IKZF1: variants seen among roughly 807,000 people sequenced by gnomAD.
IKZF1 encodes the protein IKAROS family zinc finger 1, also known as DNA-binding protein Ikaros.
In IKZF1, 10 loss-of-function variants were observed where a neutral mutation model predicts 51.7. The observed-to-expected ratio is 0.19, with a 90% CI of 0.12 to 0.33. IKZF1 has a LOEUF of 0.33. Among genes scored for constraint, IKZF1 ranks in the 10% least tolerant of loss-of-function variants. The pLI, the probability that IKZF1 is intolerant of heterozygous loss-of-function variation, is 1.00. For synonymous variants in IKZF1, 280 were observed against 282.3 expected (o/e 0.99, Z 0.08); for missense variants, 484 against 707.5 (o/e 0.68, Z 3.58).
chr7:50,375,058 G>A (rs1038407827), intron 3 of IKZF1, among the ~76,000 whole-genome samples: 1 of 151,742 alleles, frequency 6.6e-6, no homozygotes, highest in African/African-American at 2.4e-5. Context: ...CTTCTAGTAA[G>A]TTCTCAGGTG....
At chr7:50,341,210 C>T (rs1798991869) in intron 3 of IKZF1, among the ~76,000 whole-genome samples, 1 of 138,566 alleles carries the variant, frequency 7.2e-6, no homozygotes, top group Non-Finnish European at 1.5e-5. Flanking sequence ...GTGGTGTGAT[C>T]TTGGCTCACT....
intron 3 of IKZF1, among the ~76,000 whole-genome samples, chr7:50,375,021 A>G (rs1809811856): frequency 6.6e-6 from 1 of 151,876 alleles, no homozygotes; most frequent in African/African-American, 2.4e-5. Flanking sequence ...TGAGCCTGCA[A>G]CTCTGGGTTG....
chr7:50,402,096 G>C lies in IKZF1; in HGVS notation c.*1469G>C, dbSNP rs893962360. On this transcript the variant is annotated 3_prime_UTR_variant, in exon 8 of 8. Transcript: ENST00000331340. Reference sequence around the variant, plus strand: ...CATGGAGGCACTGAAGCCCGAGGAAGGTGTGTGGAGATTCTAATCCCAACA... The same window carrying C: ...CATGGAGGCACTGAAGCCCGAGGAACGTGTGTGGAGATTCTAATCCCAACA... 6.5e-5 allele frequency: 15 copies of C among 230,658 alleles called. No individual in the cohort carries two copies. Among genetic ancestry groups the C allele is most frequent in the Non-Finnish European group, 7.7e-5 (9 of 116,360 alleles). 14.3% of individuals were successfully genotyped at this position (230,658 alleles called of 1,614,324 possible).
rs1817857280 is a variant in IKZF1 at position 50,400,392 on chromosome 7, C to T, written c.1325C>T (p.Ser442Phe). The T allele has an allele frequency of 6.2e-7, 1 of 1,613,388 alleles. No individual in the cohort carries two copies. The highest frequency in any genetic ancestry group is 8.5e-7 in the Non-Finnish European group (1 of 1,179,816). ...HRAYDLLRAA[S>F]ENSQDALRVV... ...GCCTACGACCTGCTGCGCGCCGCCT[C>T]CGAGAACTCGCAGGACGCGCTCCGC... Residue 442 changes from serine (S) to phenylalanine (F), a missense_variant, in exon 8 of 8, where the codon TCC (serine) becomes TTC (phenylalanine). Transcript: ENST00000331340. The surrounding 1 kb of genome is among the most constrained non-coding windows in gnomAD (Gnocchi z 5.4).
chr7:50,338,401 T>C (rs1187817218), intron 3 of IKZF1, among the ~76,000 whole-genome samples: 5 of 152,208 alleles, frequency 3.3e-5, no homozygotes, highest in African/African-American at 1.2e-4. Flanking sequence ...CAGTTTTATT[T>C]TCTGCCTTGT....
chr7:50,369,692 C>A, intron 3 of IKZF1: 1 of 397,026 alleles, frequency 2.5e-6, no homozygotes, highest in East Asian at 3.6e-5. Context: ...TAAAAACAAC[C>A]CCTTTCACCC....
At chr7:50,368,420 C>T (rs1317884376) in intron 3 of IKZF1, 1 of 635,486 alleles carries the variant, frequency 1.6e-6, no homozygotes, top group Admixed American at 2.5e-5. Flanking sequence ...CTGTCACCAA[C>T]AAAGAACTGA....
At chr7:50,331,631 A>G (rs1443981454) in intron 3 of IKZF1, among the ~76,000 whole-genome samples, 8 of 152,210 alleles carry the variant, frequency 5.3e-5, no homozygotes, top group African/African-American at 1.7e-4. Context: ...AATGGTGGAA[A>G]TCAGTTCCCT....
At chr7:50,355,045 GA>G (rs1436522352) in intron 3 of IKZF1, among the ~76,000 whole-genome samples, 6 of 152,058 alleles carry the variant, frequency 3.9e-5, no homozygotes, top group Admixed American at 6.6e-5. Flanking sequence ...TGAGGAGGGG[GA>G]CAGGCCTGGG....
intron 1 of IKZF1, among the ~76,000 whole-genome samples, chr7:50,310,132 G>A (rs1789808248): frequency 6.6e-6 from 1 of 152,066 alleles, no homozygotes; most frequent in Admixed American, 6.6e-5. Flanking sequence ...TTAAACATAA[G>A]GCAATTAATT....
intron 3 of IKZF1, among the ~76,000 whole-genome samples, chr7:50,353,096 A>C (rs1802284546): frequency 6.8e-6 from 1 of 147,984 alleles, no homozygotes; most frequent in Non-Finnish European, 1.5e-5. Context: ...AAAGACATGA[A>C]AGAAAGAGCT....
At position 50,323,858 on chromosome 7, in the gene IKZF1, T is replaced by G. The variant is rs147658185; in HGVS notation, c.41-3780T>G. The stretch of plus-strand genomic sequence containing the variant: ...AGAATCCATGCACATTATTTTTATT[T>G]TATCTTCACCGCAACCCTGTGGGAT... On this transcript the variant is annotated intron_variant, in intron 2 of 7. Transcript: ENST00000331340. Among the ~76,000 whole-genome samples the G allele has an allele frequency of 2.7e-3, 413 of 152,352 alleles. 3 individuals are homozygous for G. The highest frequency in any genetic ancestry group is 9.3e-3 in the African/African-American group (388 of 41,588).
At chr7:50,399,350 A>G (rs926062181) in intron 7 of IKZF1, among the ~76,000 whole-genome samples, 1 of 152,086 alleles carries the variant, frequency 6.6e-6, no homozygotes, top group African/African-American at 2.4e-5. Flanking sequence ...AAAATATACA[A>G]TCATCATGTA....
chr7:50,393,361 G>A (rs913242696), intron 7 of IKZF1, among the ~76,000 whole-genome samples: 3 of 152,172 alleles, frequency 2.0e-5, no homozygotes, highest in Non-Finnish European at 4.4e-5. Flanking sequence ...TGGTGGGAGA[G>A]AGGTGGGGCC....
chr7:50,387,771 T>C (rs1813839162), intron 6 of IKZF1, among the ~76,000 whole-genome samples: 1 of 152,182 alleles, frequency 6.6e-6, no homozygotes, highest in African/African-American at 2.4e-5. Context: ...TTTTGGATGT[T>C]GGTGATTTTA....
At position 50,317,386 on chromosome 7, in the gene IKZF1, C is replaced by T. The variant is rs1158408325; in HGVS notation, c.-14-1662C>T. Among the ~76,000 whole-genome samples the T allele has an allele frequency of 2.6e-5, 4 of 152,196 alleles. No individual in the cohort carries two copies. The East Asian group carries it at 7.7e-4, about 29-fold the overall frequency. On this transcript the variant is annotated intron_variant, in intron 1 of 7. Transcript: ENST00000331340. ...AAAGATTTTTCTCATTTGAGTCTAT[C>T]TTGCTTCTTTATCATTGTTTTGACA...
chr7:50,306,655 T>C (rs1788878050), intron 1 of IKZF1, among the ~76,000 whole-genome samples: 1 of 152,258 alleles, frequency 6.6e-6, no homozygotes, highest in South Asian at 2.1e-4. Context: ...TGGCCGTTTG[T>C]AGCCATTTCC....
intron 1 of IKZF1, among the ~76,000 whole-genome samples, chr7:50,313,055 C>T (rs1433247846): frequency 6.6e-6 from 1 of 152,168 alleles, no homozygotes; most frequent in Non-Finnish European, 1.5e-5. Context: ...CAAATTGTTA[C>T]GAAAACCTAT....
intron 5 of IKZF1, 53 bp downstream of exon 5, chr7:50,382,760 A>G: frequency 6.5e-7 from 1 of 1,545,144 alleles, no homozygotes; most frequent in Non-Finnish European, 8.7e-7. Context: ...GGATTCCTCC[A>G]CTCTGCCCGC....
Sources: allele counts gnomAD v4.1 joint callset (sites outside exome capture counted in the v4.1 genomes callset), GRCh38; gene constraint gnomAD v4.1.1; non-coding constraint Gnocchi (gnomAD v3.1); transcripts MANE v1.5; gene names NCBI Gene and HGNC (gene_info 2026-07-23, HGNC 2026-07-21).